Variants in MASP1 observed in about 807,000 individuals in gnomAD.
The protein encoded by MASP1 is MBL associated serine protease 1, also known as mannan-binding lectin serine protease 1.
A neutral mutation model predicts 77.1 loss-of-function variants in MASP1; 59 were observed. The ratio of observed to expected loss-of-function variants is 0.77; its 90% CI spans 0.62 to 0.95. The LOEUF is 0.95. MASP1 is among the 40% of genes least tolerant of loss of function. The pLI is 0.00. For synonymous variants in MASP1, 362 were observed against 354.5 expected, an observed-to-expected ratio of 1.02 and a Z score of -0.24; for missense variants, 885 against 912.9, an observed-to-expected ratio of 0.97 and a Z score of 0.39.
At chr3:187,241,978 A>C (rs558038726) in intron 9 of MASP1, 3 of 194,616 alleles carry the variant, frequency 1.5e-5, no homozygotes, top group African/African-American at 7.0e-5. Flanking sequence ...GCTCTGGGGA[A>C]TCCCACTCCT....
In MASP1 at chr3:187,234,181, T is replaced by C. The variant is rs1310519481; in HGVS notation, c.*1503A>G. The C allele has an allele frequency of 1.4e-5, 18 of 1,287,098 alleles. No individual in the cohort carries two copies. The highest frequency in any genetic ancestry group is 1.7e-5 in the Non-Finnish European group (17 of 988,692). The allele number at this position is 1,287,098 out of a possible 1,614,324, so 79.7% of individuals were successfully genotyped here. A position where few individuals can be genotyped will look rare whatever the true frequency, so the allele number is the denominator to read the frequency against. Reference sequence around the variant, plus strand: ...ATGGTGAAGCATATGATATAAAAGATACAAAATATAACATCATTTACATGT... The same window carrying C: ...ATGGTGAAGCATATGATATAAAAGACACAAAATATAACATCATTTACATGT... On this transcript the variant is annotated 3_prime_UTR_variant, in exon 11 of 11. Coordinates refer to ENST00000296280, the MANE Select transcript of MASP1 (RefSeq NM_139125.4).
At chr3:187,240,002 C>T (rs184324646) in intron 10 of MASP1, among the ~76,000 whole-genome samples, 21 of 152,080 alleles carry the variant, frequency 1.4e-4, no homozygotes, top group Admixed American at 1.4e-3. Context: ...AATCTGATAT[C>T]TAGAAACCTC....
chr3:187,285,569 T>G (rs904783231), intron 2 of MASP1, among the ~76,000 whole-genome samples: 2 of 151,940 alleles, frequency 1.3e-5, no homozygotes, highest in Non-Finnish European at 2.9e-5. Flanking sequence ...ACTAAAGGCT[T>G]TGAGAACAGG....
At chr3:187,260,631 C>T in intron 4 of MASP1, 110 bp downstream of exon 4, 2 of 1,486,356 alleles carry the variant, frequency 1.3e-6, no homozygotes, top group Non-Finnish European at 1.9e-6. Context: ...GCATCATTGA[C>T]TTCATTTTTA....
intron 12 of MASP1, chr3:187,225,583 C>T (rs979740237): frequency 4.4e-5 from 65 of 1,490,662 alleles, no homozygotes; most frequent in South Asian, 6.8e-5. Flanking sequence ...TGTCAGCCCC[C>T]GCCCCAGCCC....
At chr3:187,272,973 G>T (rs1716644468) in intron 2 of MASP1, among the ~76,000 whole-genome samples, 1 of 152,126 alleles carries the variant, frequency 6.6e-6, no homozygotes, top group South Asian at 2.1e-4. Context: ...AGGATGGGAG[G>T]TGATATACAT....
Position 187,221,219 on chromosome 3 carries a change from C to T in MASP1, c.1810-85G>A, listed in dbSNP as rs3733002. ...CACCCCTGAAGACGGCTCCTCTCCA[C>T]TCCATACCTGGACGGACCTGTGTCT... On this transcript the variant is annotated intron_variant, in intron 14 of 15. Coordinates refer to the MASP1 transcript ENST00000337774. The T allele has an allele frequency of 1.1e-4, 98 of 922,840 alleles. No individual in the cohort carries two copies. In the East Asian group the frequency reaches 2.5e-3, roughly 23 times the overall value. The allele number at this position is 922,840 out of a possible 1,614,324, so 57.2% of individuals were successfully genotyped here.
chr3:187,259,094 G>C (rs893675220), intron 4 of MASP1, among the ~76,000 whole-genome samples: 1 of 152,164 alleles, frequency 6.6e-6, no homozygotes, highest in African/African-American at 2.4e-5. Flanking sequence ...AGAATCCACT[G>C]TCCTGGGAAC....
intron 12 of MASP1, chr3:187,226,265 G>A: frequency 1.4e-6 from 1 of 696,596 alleles, no homozygotes; most frequent in Non-Finnish European, 2.6e-6. Context: ...TTGGACTCAG[G>A]TTCCTGGACC....
intron 2 of MASP1, among the ~76,000 whole-genome samples, chr3:187,275,925 T>C (rs910015498): frequency 4.6e-5 from 7 of 152,164 alleles, no homozygotes; most frequent in Admixed American, 3.3e-4. Flanking sequence ...AGCCTGCCAT[T>C]GGCTGGCAGC....
At chr3:187,270,331 C>T (rs72549282) in intron 2 of MASP1, among the ~76,000 whole-genome samples, 79 of 152,256 alleles carry the variant, frequency 5.2e-4, no homozygotes, top group African/African-American at 1.6e-3. Context: ...GCAGCAAGAA[C>T]GCCCCATCCC....
chr3:187,283,061 T>C (rs148174802), intron 2 of MASP1, among the ~76,000 whole-genome samples: 2 of 152,202 alleles, frequency 1.3e-5, no homozygotes, highest in East Asian at 3.9e-4. Flanking sequence ...TTTGGGGAGT[T>C]AGTGACAGAT....
At chr3:187,246,575 A>G (rs1377106098) in intron 8 of MASP1, 1 of 985,516 alleles carries the variant, frequency 1.0e-6, no homozygotes, top group African/African-American at 1.7e-5. Context: ...ACGGAAGCAG[A>G]GATTCCAGCT....
chr3:187,259,005 A>C (rs931769694), intron 4 of MASP1, among the ~76,000 whole-genome samples: 1 of 151,976 alleles, frequency 6.6e-6, no homozygotes, highest in African/African-American at 2.4e-5. Flanking sequence ...CCCTATATTG[A>C]TTTTCTTGCT....
downstream of MASP1, among the ~76,000 whole-genome samples, chr3:187,232,371 T>A (rs923249237): frequency 2.6e-5 from 4 of 152,142 alleles, no homozygotes; most frequent in Admixed American, 6.5e-5. Flanking sequence ...ATACTACCCA[T>A]GTGCTGATGA....
intron 2 of MASP1, among the ~76,000 whole-genome samples, chr3:187,280,685 G>T (rs1717339711): frequency 6.6e-6 from 1 of 152,144 alleles, no homozygotes; most frequent in Non-Finnish European, 1.5e-5. Context: ...GACAATATTT[G>T]TCTTATGTTA....
intron 5 of MASP1, among the ~76,000 whole-genome samples, chr3:187,254,786 C>T (rs1382584490): frequency 6.6e-6 from 1 of 152,090 alleles, no homozygotes; most frequent in Admixed American, 6.5e-5. Context: ...ATCCGGATTC[C>T]CCACCTCTCA....
chr3:187,258,896 G>C (rs755415886), intron 4 of MASP1, among the ~76,000 whole-genome samples: 3 of 152,172 alleles, frequency 2.0e-5, no homozygotes, highest in Admixed American at 1.3e-4. Flanking sequence ...ACATATTCTG[G>C]TGGTGGTAGG....
Position 187,235,319 on chromosome 3 carries a change from C to G in MASP1, c.*365G>C. The G allele has an allele frequency of 7.4e-7, 1 of 1,345,316 alleles. No homozygotes were observed. The highest frequency in any genetic ancestry group is 3.0e-4 in the Middle Eastern group (1 of 3,376). 83.3% of individuals were successfully genotyped at this position (1,345,316 alleles called of 1,614,324 possible). On this transcript the variant is annotated 3_prime_UTR_variant, in exon 11 of 11. Coordinates refer to ENST00000296280, the MANE Select transcript of MASP1 (RefSeq NM_139125.4). ...AAGCTCAGTTATACCAACAGTAGGA[C>G]CGATGGGTTTGATAAGTGGTCAGGA...
Sources: gnomAD v4.1 joint callset for allele counts (sites outside exome capture counted in the v4.1 genomes callset) on GRCh38, gnomAD v4.1.1 for gene constraint, MANE v1.5 for transcripts, NCBI Gene and HGNC (gene_info 2026-07-23, HGNC 2026-07-21) for gene names.